The following KCNT2 variants were observed in gnomAD, a reference collection of about 807,000 sequenced individuals.
KCNT2 encodes potassium sodium-activated channel subfamily T member 2.
In KCNT2, 67 loss-of-function variants were observed where a neutral mutation model predicts 153.8. The observed-to-expected ratio is 0.44, with a 90% CI of 0.36 to 0.53. The LOEUF (loss-of-function observed/expected upper bound fraction) is 0.53. Ranked by LOEUF, KCNT2 falls within the 20% of genes least tolerant of loss-of-function variation. The pLI is 0.00. For missense variants in KCNT2, 975 were observed against 1,354.8 expected, an observed-to-expected ratio of 0.72 and a Z score of 4.40; for synonymous variants, 500 against 458.8, an observed-to-expected ratio of 1.09 and a Z score of -1.15.
intron 6 of KCNT2, among the ~76,000 whole-genome samples, chr1:196,468,049 A>G (rs1381388311): frequency 6.6e-6 from 1 of 152,120 alleles, no homozygotes; most frequent in Non-Finnish European, 1.5e-5. Context: ...TATGCTAATT[A>G]TATCATTGAA....
chr1:196,240,787 G>T (rs1654880250), intron 26 of KCNT2, among the ~76,000 whole-genome samples: 1 of 152,062 alleles, frequency 6.6e-6, no homozygotes, highest in African/African-American at 2.4e-5. Flanking sequence ...AAAGTGCAAT[G>T]AGAAAACATT....
intron 1 of KCNT2, among the ~76,000 whole-genome samples, chr1:196,505,526 C>CA (rs1458121099): frequency 1.3e-5 from 2 of 151,296 alleles, no homozygotes; most frequent in Non-Finnish European, 3.0e-5. Context: ...GTGATGCCTC[C>CA]AGCTTTGTTC....
chr1:196,424,997 A>T (rs759029270), intron 11 of KCNT2, among the ~76,000 whole-genome samples: 1 of 151,984 alleles, frequency 6.6e-6, no homozygotes, highest in Non-Finnish European at 1.5e-5. Context: ...TATGCTATTC[A>T]ATTCAGTGGG....
intron 1 of KCNT2, among the ~76,000 whole-genome samples, chr1:196,563,398 A>G (rs1659671101): frequency 6.6e-6 from 1 of 151,148 alleles, no homozygotes; most frequent in South Asian, 2.1e-4. Flanking sequence ...CTGTCATTTC[A>G]AAGAAGTGGT....
At chr1:196,536,227 A>T (rs1413761915) in intron 1 of KCNT2, among the ~76,000 whole-genome samples, 1 of 152,210 alleles carries the variant, frequency 6.6e-6, no homozygotes, top group Non-Finnish European at 1.5e-5. Flanking sequence ...CCTGGTGGAG[A>T]AAGACATCTT....
chr1:196,490,736 A>G (rs1242134316), intron 2 of KCNT2, among the ~76,000 whole-genome samples: 3 of 151,780 alleles, frequency 2.0e-5, no homozygotes. Flanking sequence ...ATGATGATGA[A>G]GAGTATTTAA....
At chr1:196,517,312 C>T (rs1652714923) in intron 1 of KCNT2, among the ~76,000 whole-genome samples, 1 of 152,202 alleles carries the variant, frequency 6.6e-6, no homozygotes, top group Non-Finnish European at 1.5e-5. Flanking sequence ...TATCCACACA[C>T]AGAGATGAGA....
chr1:196,328,295 C>T (rs1664087483), intron 18 of KCNT2, among the ~76,000 whole-genome samples: 1 of 150,970 alleles, frequency 6.6e-6, no homozygotes. Flanking sequence ...ACGTGCGGGA[C>T]AGAATGGAAT....
chr1:196,309,833 T>C (rs889280354), intron 21 of KCNT2, among the ~76,000 whole-genome samples: 1 of 151,790 alleles, frequency 6.6e-6, no homozygotes, highest in African/African-American at 2.4e-5. Flanking sequence ...AATACGTCTC[T>C]TTTCCCTGGG....
intron 22 of KCNT2, among the ~76,000 whole-genome samples, chr1:196,292,731 C>T (rs1250809328): frequency 2.0e-5 from 3 of 149,318 alleles, no homozygotes; most frequent in Non-Finnish European, 3.0e-5. Context: ...GGCGTGAACC[C>T]GGGAGGCGGG....
intron 26 of KCNT2, among the ~76,000 whole-genome samples, chr1:196,244,456 A>G (rs1181330922): frequency 6.6e-6 from 1 of 152,050 alleles, no homozygotes; most frequent in African/African-American, 2.4e-5. Flanking sequence ...CCCTGGGCCA[A>G]AGGGGTGCCT....
chr1:196,570,067 TAAAAAAAAAAAAAAAA>T (rs199836975), intron 1 of KCNT2, among the ~76,000 whole-genome samples: 9,475 of 133,608 alleles, frequency 0.071, 432 homozygotes, highest in Non-Finnish European at 0.086. Context: ...TGAGCTAGAG[TAAAAAAAAAAAAAAAA>T]AAAAAAAAAA....
intron 1 of KCNT2, among the ~76,000 whole-genome samples, chr1:196,593,477 T>C (rs1663666273): frequency 6.6e-6 from 1 of 151,946 alleles, no homozygotes. Context: ...TATCTTTTTG[T>C]ATAATGACTT....
intron 1 of KCNT2, among the ~76,000 whole-genome samples, chr1:196,561,293 C>T (rs1405408552): frequency 6.6e-6 from 1 of 151,472 alleles, no homozygotes; most frequent in Non-Finnish European, 1.5e-5. Context: ...AAAAAAAGAT[C>T]TCTCTAACTG....
intron 1 of KCNT2, among the ~76,000 whole-genome samples, chr1:196,510,407 C>T (rs1334904986): frequency 1.3e-5 from 2 of 152,066 alleles, no homozygotes; most frequent in African/African-American, 4.8e-5. Context: ...CAGTCTAAGC[C>T]TGGAGCCCAC....
chr1:196,236,283 A>G (rs762753933), intron 26 of KCNT2, among the ~76,000 whole-genome samples: 1 of 151,546 alleles, frequency 6.6e-6, no homozygotes, highest in Non-Finnish European at 1.5e-5. Flanking sequence ...AATAGATGAT[A>G]ACAATAAAGT....
intron 22 of KCNT2, among the ~76,000 whole-genome samples, chr1:196,288,339 T>C (rs1659870670): frequency 1.3e-5 from 2 of 151,946 alleles, no homozygotes; most frequent in African/African-American, 4.8e-5. Context: ...AATAATGATA[T>C]AAGTTGAGAT....
intron 12 of KCNT2, among the ~76,000 whole-genome samples, chr1:196,400,196 G>A (rs1371739664): frequency 6.6e-6 from 1 of 151,514 alleles, no homozygotes; most frequent in Non-Finnish European, 1.5e-5. Context: ...TTAAATCTGA[G>A]GTTTGAGGGT....
chr1:196,494,453 G>A (rs1268645337), intron 1 of KCNT2, among the ~76,000 whole-genome samples: 3 of 152,064 alleles, frequency 2.0e-5, no homozygotes, highest in Non-Finnish European at 4.4e-5. Context: ...AGGCTGGAGT[G>A]CAGTGGCGCG....
Sources: allele counts gnomAD v4.1 joint callset (sites outside exome capture counted in the v4.1 genomes callset), GRCh38; gene constraint gnomAD v4.1.1; transcripts MANE v1.5; gene names NCBI Gene and HGNC (gene_info 2026-07-23, HGNC 2026-07-21).